SHISA9: variants seen among roughly 807,000 people sequenced by gnomAD.
SHISA9 encodes protein shisa-9.
In SHISA9, 13 loss-of-function variants were observed where a neutral mutation model predicts 38.0. That is an observed-to-expected ratio of 0.34 (90% CI 0.22 to 0.54). SHISA9 has a LOEUF of 0.54. SHISA9 is among the 20% of genes least tolerant of loss of function. The pLI, the probability that SHISA9 is intolerant of heterozygous loss-of-function variation, is 0.91. For synonymous variants in SHISA9, 275 were observed against 242.0 expected (o/e 1.14, Z -1.27); for missense variants, 538 against 575.8 (o/e 0.93, Z 0.67).
intron 4 of SHISA9, among the ~76,000 whole-genome samples, chr16:13,221,094 A>G (rs933607319): frequency 2.6e-5 from 4 of 152,076 alleles, no homozygotes; most frequent in East Asian, 3.9e-4. Context: ...AGACTAAAAA[A>G]GGGCCAGGCT....
chr16:13,505,757 G>A, the SHISA9 span, among the ~76,000 whole-genome samples: 1 of 152,196 alleles, frequency 6.6e-6, no homozygotes, highest in Non-Finnish European at 1.5e-5. Context: ...GGCTTCTTGG[G>A]TGAGATGACT....
the SHISA9 span, among the ~76,000 whole-genome samples, chr16:13,484,245 T>C: frequency 6.6e-6 from 1 of 152,204 alleles, no homozygotes; most frequent in Admixed American, 6.5e-5. Flanking sequence ...AGGAGAAACA[T>C]AGTTTGAGAG....
At chr16:13,329,663 TAGG>T in the SHISA9 span, among the ~76,000 whole-genome samples, 2 of 152,172 alleles carry the variant, frequency 1.3e-5, no homozygotes. Flanking sequence ...TCCTCCATGC[TAGG>T]AGAATAACAT....
chr16:13,509,464 G>T, the SHISA9 span, among the ~76,000 whole-genome samples: 37 of 152,156 alleles, frequency 2.4e-4, no homozygotes, highest in Admixed American at 2.3e-3. Flanking sequence ...TAGGAATGGT[G>T]CTGATAACAG....
At chr16:12,934,488 C>T (rs543973784) in intron 2 of SHISA9, among the ~76,000 whole-genome samples, 1 of 152,292 alleles carries the variant, frequency 6.6e-6, no homozygotes, top group African/African-American at 2.4e-5. Flanking sequence ...CCATTAAACA[C>T]CTTTTTATGT....
chr16:13,502,629 C>A, the SHISA9 span, among the ~76,000 whole-genome samples: 7 of 152,066 alleles, frequency 4.6e-5, no homozygotes, highest in Admixed American at 1.3e-4. Flanking sequence ...AATCCCAACA[C>A]TTTGGGAGGC....
intron 2 of SHISA9, among the ~76,000 whole-genome samples, chr16:12,980,985 A>G (rs909111428): frequency 1.3e-5 from 2 of 152,172 alleles, no homozygotes; most frequent in African/African-American, 4.8e-5. Context: ...AAGGCTAATT[A>G]AAAAAACTTA....
intron 2 of SHISA9, among the ~76,000 whole-genome samples, chr16:12,922,942 G>A (rs1023246686): frequency 1.2e-4 from 18 of 152,062 alleles, no homozygotes; most frequent in South Asian, 4.1e-4. Context: ...CAACTGTACC[G>A]CCCCTGCCCC....
At chr16:13,192,997 C>T (rs1044366334) in intron 2 of SHISA9, among the ~76,000 whole-genome samples, 6 of 152,108 alleles carry the variant, frequency 3.9e-5, no homozygotes, top group Non-Finnish European at 8.8e-5. Context: ...AACAAAAAAG[C>T]ATAGATCTGG....
At chr16:13,403,811 C>A in the SHISA9 span, among the ~76,000 whole-genome samples, 1 of 152,058 alleles carries the variant, frequency 6.6e-6, no homozygotes. Context: ...TGTAGATGAG[C>A]GTTTTGGTAC....
At position 13,128,460 on chromosome 16, in the gene SHISA9, G is replaced by A. The variant is rs920939349; in HGVS notation, c.692-74934G>A. Among the ~76,000 whole-genome samples, 8 of 151,928 alleles carry A rather than the reference G, an allele frequency of 5.3e-5. 1 individual carries two copies. The highest frequency in any genetic ancestry group is 3.3e-4 in the Admixed American group (5 of 15,240). On this transcript the variant is annotated intron_variant, in intron 2 of 4. Coordinates refer to ENST00000558583, the MANE Select transcript of SHISA9 (RefSeq NM_001145204.3). ...CTCCATTGGCTCGGTGGCCTTGAGC[G>A]CTTTTCTTTACCTCTCTAAGCCTAA...
chr16:12,951,051 A>G (rs1363121906), intron 2 of SHISA9, among the ~76,000 whole-genome samples: 3 of 150,412 alleles, frequency 2.0e-5, no homozygotes, highest in East Asian at 4.0e-4. Context: ...GTGAAACCCC[A>G]TCTCTACTAA....
At chr16:12,940,565 C>T (rs1392417864) in intron 2 of SHISA9, among the ~76,000 whole-genome samples, 2 of 152,188 alleles carry the variant, frequency 1.3e-5, no homozygotes, top group Non-Finnish European at 2.9e-5. Context: ...GAGGCAGAAG[C>T]TGCATTAGAG....
At chr16:13,524,220 CA>C in the SHISA9 span, among the ~76,000 whole-genome samples, 2 of 152,090 alleles carry the variant, frequency 1.3e-5, no homozygotes, top group South Asian at 2.1e-4. Context: ...AGGTAGCTTG[CA>C]AAAAACACAA....
At chr16:13,064,561 A>T (rs117968050) in intron 2 of SHISA9, among the ~76,000 whole-genome samples, 3 of 152,228 alleles carry the variant, frequency 2.0e-5, no homozygotes, top group African/African-American at 7.2e-5. Context: ...TTTGAATGAT[A>T]TAAGGATCAT....
intron 2 of SHISA9, among the ~76,000 whole-genome samples, chr16:12,971,424 C>G (rs1001435476): frequency 7.2e-5 from 11 of 152,168 alleles, no homozygotes; most frequent in African/African-American, 2.7e-4. Context: ...CCTCTTGTCT[C>G]TTGGCTGGCT....
chr16:13,464,991 G>A, the SHISA9 span, among the ~76,000 whole-genome samples: 1 of 152,148 alleles, frequency 6.6e-6, no homozygotes, highest in East Asian at 1.9e-4. Flanking sequence ...GGATAATGGA[G>A]ACATTATCCT....
rs181787618 is a variant in SHISA9, at chr16:13,141,236, A to G, written c.692-62158A>G. 2.0e-3 allele frequency among the ~76,000 whole-genome samples: 308 copies of G among 152,192 alleles called. 2 individuals are homozygous for G. Among genetic ancestry groups the G allele is most frequent in the African/African-American group, 6.9e-3 (285 of 41,514 alleles). On this transcript the variant is annotated intron_variant, in intron 2 of 4. Transcript: ENST00000558583. The stretch of plus-strand genomic sequence containing the variant: ...TTTTCTACGCAGGTTTTTTTCTACC[A>G]TGGTGATAATGACAATGGAGAGATT...
chr16:13,505,833 A>G, the SHISA9 span, among the ~76,000 whole-genome samples: 12 of 152,172 alleles, frequency 7.9e-5, no homozygotes, highest in South Asian at 2.1e-4. Context: ...GGTTGCAGAA[A>G]CCTTTGTCCC....
Sources: gnomAD v4.1 joint callset for allele counts (sites outside exome capture counted in the v4.1 genomes callset) on GRCh38, gnomAD v4.1.1 for gene constraint, MANE v1.5 for transcripts, NCBI Gene and HGNC (gene_info 2026-07-23, HGNC 2026-07-21) for gene names.